Variants in SLC25A48 observed in about 807,000 individuals in gnomAD.
SLC25A48 encodes the protein CTC-321K16.1.
In SLC25A48, 29 loss-of-function variants were observed where a neutral mutation model predicts 32.2. The ratio of observed to expected loss-of-function variants is 0.90; its 90% CI spans 0.67 to 1.23. The LOEUF (loss-of-function observed/expected upper bound fraction) is 1.23. Ranked by LOEUF, SLC25A48 falls within the 50% of genes most tolerant of loss-of-function variation. The pLI, the probability that SLC25A48 is intolerant of heterozygous loss-of-function variation, is 0.00. For missense variants in SLC25A48, 399 were observed against 422.7 expected, an observed-to-expected ratio of 0.94 and a Z score of 0.49; for synonymous variants, 164 against 172.3, an observed-to-expected ratio of 0.95 and a Z score of 0.38.
chr5:135,711,463 A>G (rs1754661301), intron 3 of SLC25A48, among the ~76,000 whole-genome samples: 1 of 152,170 alleles, frequency 6.6e-6, no homozygotes, highest in Non-Finnish European at 1.5e-5. Context: ...AAGCCTCTCC[A>G]GGGGCTGCTT....
At chr5:135,788,745 G>A (rs958963927) in intron 3 of SLC25A48, among the ~76,000 whole-genome samples, 5 of 150,162 alleles carry the variant, frequency 3.3e-5, no homozygotes, top group Non-Finnish European at 5.9e-5. Context: ...ACACCCCCCT[G>A]CCATACGATC....
chr5:135,683,056 G>A (rs1277469100), intron 3 of SLC25A48, among the ~76,000 whole-genome samples: 1 of 152,188 alleles, frequency 6.6e-6, no homozygotes, highest in Non-Finnish European at 1.5e-5. Context: ...CCTCTGGAGG[G>A]TGGACCAGAA....
intron 3 of SLC25A48, among the ~76,000 whole-genome samples, chr5:135,642,310 G>A (rs906963935): frequency 2.6e-5 from 4 of 152,238 alleles, no homozygotes; most frequent in Middle Eastern, 3.2e-3. Flanking sequence ...TGGGATGAAG[G>A]AGTGTTGCTC....
At chr5:135,670,779 C>T (rs141073051) in intron 3 of SLC25A48, among the ~76,000 whole-genome samples, 115 of 152,268 alleles carry the variant, frequency 7.6e-4, no homozygotes, top group Non-Finnish European at 1.5e-3. Context: ...AGCAGACGCT[C>T]TTTGCCTGTC....
chr5:135,848,563 G>T (rs1264606599), intron 2 of SLC25A48, among the ~76,000 whole-genome samples: 1 of 152,078 alleles, frequency 6.6e-6, no homozygotes, highest in Non-Finnish European at 1.5e-5. Context: ...CTTATCCTTG[G>T]TTTATTTTCC....
At chr5:135,610,023 G>A (rs1373543521) in intron 1 of SLC25A48, among the ~76,000 whole-genome samples, 1 of 152,138 alleles carries the variant, frequency 6.6e-6, no homozygotes, top group Non-Finnish European at 1.5e-5. Context: ...GTAAATGTTT[G>A]TAGGCCATTT....
chr5:135,596,213 T>C (rs1751646514), intron 1 of SLC25A48, among the ~76,000 whole-genome samples: 1 of 152,234 alleles, frequency 6.6e-6, no homozygotes, highest in African/African-American at 2.4e-5. Context: ...TTGATTTCCA[T>C]GATTGGAGCC....
At chr5:135,716,342 T>G (rs1754795677) in intron 3 of SLC25A48, among the ~76,000 whole-genome samples, 1 of 152,158 alleles carries the variant, frequency 6.6e-6, no homozygotes, top group African/African-American at 2.4e-5. Context: ...CTGCATTGGC[T>G]TAGACAGTTG....
At chr5:135,815,569 C>T (rs1374612191) in intron 4 of SLC25A48, among the ~76,000 whole-genome samples, 1 of 152,198 alleles carries the variant, frequency 6.6e-6, no homozygotes, top group South Asian at 2.1e-4. Context: ...TTTGAACTCT[C>T]TCTATGTATG....
chr5:135,869,978 C>A (rs774804671), intron 4 of SLC25A48, among the ~76,000 whole-genome samples: 24 of 152,188 alleles, frequency 1.6e-4, no homozygotes, highest in Non-Finnish European at 2.8e-4. Context: ...ACGCAGAAAC[C>A]ACCCCCTCAA....
intron 4 of SLC25A48, 141 bp downstream of exon 4, chr5:135,852,962 T>C: frequency 1.7e-6 from 2 of 1,151,908 alleles, no homozygotes; most frequent in South Asian, 1.6e-5. Flanking sequence ...ATTACAGGCA[T>C]ACCTCGGAGA....
intron 2 of SLC25A48, among the ~76,000 whole-genome samples, chr5:135,847,432 G>T (rs1407304179): frequency 6.6e-6 from 1 of 152,188 alleles, no homozygotes; most frequent in Non-Finnish European, 1.5e-5. Flanking sequence ...AGGCAGTGTG[G>T]TTGACTGAAT....
intron 3 of SLC25A48, among the ~76,000 whole-genome samples, chr5:135,773,692 A>G (rs923847234): frequency 6.6e-6 from 1 of 151,444 alleles, no homozygotes; most frequent in Non-Finnish European, 1.5e-5. Context: ...AGGAAGGGAG[A>G]AGATTATATT....
At chr5:135,781,800 A>C (rs1332672390) in intron 3 of SLC25A48, among the ~76,000 whole-genome samples, 1 of 116,720 alleles carries the variant, frequency 8.6e-6, no homozygotes, top group East Asian at 2.1e-4. Context: ...TCAATATCAC[A>C]GGAAGTGTAC....
chr5:135,794,780 T>A (rs963970904), intron 3 of SLC25A48, among the ~76,000 whole-genome samples: 6 of 151,590 alleles, frequency 4.0e-5, no homozygotes, highest in African/African-American at 1.2e-4. Flanking sequence ...ATAAAAATAC[T>A]CCCAATATTG....
chr5:135,749,286 C>CAAA (rs60658262), intron 3 of SLC25A48, among the ~76,000 whole-genome samples: 5 of 150,402 alleles, frequency 3.3e-5, no homozygotes, highest in African/African-American at 9.8e-5. Context: ...GTTCCACACA[C>CAAA]AAAAAAAAAC....
At position 135,601,901 on chromosome 5, in the gene SLC25A48, T is replaced by A. The variant is rs557613156; in HGVS notation, c.-849+22304T>A. Among the ~76,000 whole-genome samples, 3 of 152,364 alleles carry A rather than the reference T, an allele frequency of 2.0e-5. No individual in the cohort carries two copies. In the South Asian group the frequency reaches 6.2e-4, roughly 32 times the overall value. On this transcript the variant is annotated intron_variant, in intron 1 of 10. Coordinates refer to the SLC25A48 transcript ENST00000646290. ...GGTGGTCACTTAATGTTTCTGGGCA[T>A]TGGTTTCTTCTTTTTATAAAACATG...
intron 3 of SLC25A48, among the ~76,000 whole-genome samples, chr5:135,769,830 C>A (rs982701163): frequency 1.3e-5 from 2 of 151,566 alleles, no homozygotes; most frequent in African/African-American, 4.8e-5. Flanking sequence ...GGAGTTTACA[C>A]CCCCTGTGAT....
intron 3 of SLC25A48, among the ~76,000 whole-genome samples, chr5:135,715,419 A>G (rs1754772597): frequency 6.6e-6 from 1 of 152,188 alleles, no homozygotes; most frequent in Admixed American, 6.5e-5. Flanking sequence ...AAGCCTGATG[A>G]CAGTGGGTGT....
Sources: gnomAD v4.1 joint callset for allele counts (sites outside exome capture counted in the v4.1 genomes callset) on GRCh38, gnomAD v4.1.1 for gene constraint, MANE v1.5 for transcripts, NCBI Gene and HGNC (gene_info 2026-07-23, HGNC 2026-07-21) for gene names.